GALNT16: variants seen among roughly 807,000 people sequenced by gnomAD.
GALNT16 encodes UDP-GalNAc:polypeptide N-acetylgalactosaminyltransferase-like protein 1.
GALNT16 carries 40 observed loss-of-function variants against 76.1 expected under a neutral mutation model. That is an observed-to-expected ratio of 0.53 (90% confidence interval 0.41 to 0.68). GALNT16 has a LOEUF of 0.68. Ranked by LOEUF, GALNT16 falls within the 30% of genes least tolerant of loss-of-function variation. GALNT16 has a pLI of 0.00. For synonymous variants in GALNT16, 276 were observed against 285.2 expected, an observed-to-expected ratio of 0.97 and a Z score of 0.32; for missense variants, 621 against 731.9, an observed-to-expected ratio of 0.85 and a Z score of 1.75.
intron 1 of GALNT16, among the ~76,000 whole-genome samples, chr14:69,277,286 A>G (rs2044484110): frequency 6.6e-6 from 1 of 152,128 alleles, no homozygotes; most frequent in African/African-American, 2.4e-5. Flanking sequence ...GGCTCGTCAC[A>G]TATGTATACA....
chr14:69,338,632 C>T lies in GALNT16; in HGVS notation c.968-19C>T, dbSNP rs373202693. ...CCAAGGAACCCCTTCCTCCTCCTGA[C>T]GGCTACTATTTCCTGCAGAGCTCTC... On this transcript the variant is annotated intron_variant, in intron 9 of 14. Coordinates refer to ENST00000448469, the MANE Select transcript of GALNT16 (RefSeq NM_001168368.2). The T allele has an allele frequency of 4.0e-5, 65 of 1,609,832 alleles. 1 individual carries two copies. The highest frequency in any genetic ancestry group is 1.7e-4 in the Middle Eastern group (1 of 6,060).
chr14:69,287,291 A>T (rs1346981240), intron 1 of GALNT16, among the ~76,000 whole-genome samples: 2 of 152,236 alleles, frequency 1.3e-5, no homozygotes, highest in Non-Finnish European at 2.9e-5. Flanking sequence ...TTCCCTGGGG[A>T]CAGGAGCCTC....
intron 1 of GALNT16, among the ~76,000 whole-genome samples, chr14:69,270,246 C>T (rs921434952): frequency 1.8e-4 from 28 of 152,078 alleles, no homozygotes; most frequent in Non-Finnish European, 7.4e-5. Context: ...GTGGGCACTG[C>T]GCAGCTGTTT....
intron 7 of GALNT16, 89 bp from the exon 8 acceptor site, chr14:69,332,996 G>A (rs771409046): frequency 2.0e-5 from 18 of 892,278 alleles, no homozygotes; most frequent in Non-Finnish European, 3.3e-5. Context: ...GCTCTGATCA[G>A]GGGAGACTCC....
intron 2 of GALNT16, among the ~76,000 whole-genome samples, chr14:69,324,327 G>A (rs572284623): frequency 3.1e-4 from 47 of 152,162 alleles, no homozygotes; most frequent in African/African-American, 1.0e-3. Flanking sequence ...TTTCCCTCTC[G>A]CACATACCCC....
intron 1 of GALNT16, among the ~76,000 whole-genome samples, chr14:69,304,169 A>T (rs937149806): frequency 1.4e-4 from 21 of 152,232 alleles, no homozygotes; most frequent in African/African-American, 5.1e-4. Context: ...AAATGACAGG[A>T]AAACACCAAC....
At position 69,324,763 on chromosome 14, in the gene GALNT16, G is replaced by T; in HGVS notation, c.407G>T (p.Arg136Leu). ...ATCATCACCTTCCACAATGAGGCCC[G>T]TTCCACCCTGCTGCGCACAGTGAAG... The part of the protein sequence containing the change: ...SVIITFHNEA[R>L]STLLRTVKSV... The change falls in exon 3 of 15, where the codon CGT becomes CTT. Residue 136 changes from arginine to leucine, a missense_variant. Transcript: ENST00000448469. The T allele has an allele frequency of 1.2e-6, 2 of 1,612,140 alleles. No individual in the cohort carries two copies. Among genetic ancestry groups the T allele is most frequent in the East Asian group, 2.2e-5 (1 of 44,796 alleles).
At chr14:69,337,412 A>ATATCAACTAT (rs2045428300) in intron 9 of GALNT16, among the ~76,000 whole-genome samples, 1 of 152,244 alleles carries the variant, frequency 6.6e-6, no homozygotes. Flanking sequence ...TGCTATTGTT[A>ATATCAACTAT]TGGCCATTGT....
chr14:69,315,457 C>T (rs1161783036), intron 1 of GALNT16, among the ~76,000 whole-genome samples: 2 of 152,164 alleles, frequency 1.3e-5, no homozygotes, highest in African/African-American at 4.8e-5. Flanking sequence ...TCACCATCTC[C>T]CCAACCTTCC....
rs926840260 is a variant in GALNT16 at position 69,333,248 on chromosome 14, G to A, written c.863+79G>A. 2.2e-4 allele frequency: 218 copies of A among 987,624 alleles called. No homozygotes were observed. Among genetic ancestry groups the A allele is most frequent in the Non-Finnish European group, 2.7e-4 (177 of 652,078 alleles). 61.2% of individuals were successfully genotyped at this position (987,624 alleles called of 1,614,324 possible). A position where few individuals can be genotyped will look rare whatever the true frequency, so the allele number is the denominator to read the frequency against. The stretch of plus-strand genomic sequence containing the variant: ...TGGGAGGCTCTTGGGAGGCTGTATC[G>A]GTCGCTTGGGCTCCTGAGGCGCACT... On this transcript the variant is annotated intron_variant, in intron 8 of 14. Coordinates refer to ENST00000448469, the MANE Select transcript of GALNT16 (RefSeq NM_001168368.2). The surrounding 1 kb of genome is among the most constrained non-coding windows in gnomAD (Gnocchi z 4.2).
chr14:69,350,395 A>G (rs1272578283), intron 14 of GALNT16: 2 of 151,990 alleles, frequency 1.3e-5, no homozygotes, highest in East Asian at 3.9e-4. Context: ...AAGCACCACG[A>G]CTCCCTGGGG....
chr14:69,335,566 G>T (rs1336600573), intron 9 of GALNT16, among the ~76,000 whole-genome samples: 1 of 152,112 alleles, frequency 6.6e-6, no homozygotes, highest in East Asian at 1.9e-4. Flanking sequence ...ACAAGTGAAT[G>T]ATCAAACAGC....
At chr14:69,300,781 AAAGC>A in intron 1 of GALNT16, among the ~76,000 whole-genome samples, 1 of 152,114 alleles carries the variant, frequency 6.6e-6, no homozygotes, top group Non-Finnish European at 1.5e-5. Context: ...ACTCAGAATT[AAAGC>A]AAAACTCCTG....
intron 1 of GALNT16, among the ~76,000 whole-genome samples, chr14:69,306,309 T>C (rs12232103): frequency 6.6e-6 from 1 of 152,184 alleles, no homozygotes; most frequent in African/African-American, 2.4e-5. Flanking sequence ...CACAATCTTT[T>C]GCTGTTATAA....
chr14:69,372,464 A>G, the GALNT16 span, among the ~76,000 whole-genome samples: 292 of 149,996 alleles, frequency 1.9e-3, 1 homozygote, highest in African/African-American at 6.7e-3. Flanking sequence ...GCTCAAATAC[A>G]TAATTGTCTT....
chr14:69,379,484 A>G, the GALNT16 span, among the ~76,000 whole-genome samples: 2 of 152,236 alleles, frequency 1.3e-5, no homozygotes, highest in Non-Finnish European at 2.9e-5. Context: ...ACAGGGGGAT[A>G]TTAAACCAAT....
At chr14:69,340,947 TTAA>T (rs2045478088) in intron 11 of GALNT16, among the ~76,000 whole-genome samples, 2 of 152,246 alleles carry the variant, frequency 1.3e-5, no homozygotes, top group African/African-American at 2.4e-5. Context: ...GAAAACACTA[TTAA>T]TGATGATCAA....
At chr14:69,332,253 C>T (rs547671787) in intron 7 of GALNT16, among the ~76,000 whole-genome samples, 70 of 152,250 alleles carry the variant, frequency 4.6e-4, no homozygotes, top group Non-Finnish European at 4.6e-4. Flanking sequence ...TTTTGAATTA[C>T]GTATTTGGCT....
intron 9 of GALNT16, 62 bp from the exon 10 acceptor site, chr14:69,338,589 C>T (rs538719612): frequency 3.6e-5 from 57 of 1,592,984 alleles, no homozygotes; most frequent in Non-Finnish European, 4.7e-5. Context: ...GAAGCCAGCC[C>T]CTTCCCACCC....
Sources: gnomAD v4.1 joint callset for allele counts (sites outside exome capture counted in the v4.1 genomes callset) on GRCh38, gnomAD v4.1.1 for gene constraint, Gnocchi (gnomAD v3.1) non-coding constraint, MANE v1.5 for transcripts, NCBI Gene and HGNC (gene_info 2026-07-23, HGNC 2026-07-21) for gene names.